Variants in CDYL observed in about 807,000 individuals in gnomAD.
CDYL encodes the protein chromodomain Y like.
CDYL carries 8 observed loss-of-function variants against 47.3 expected under a neutral mutation model. The ratio of observed to expected loss-of-function variants is 0.17; its 90% CI spans 0.10 to 0.31. The LOEUF is 0.31. Ranked by LOEUF, CDYL falls within the 10% of genes least tolerant of loss-of-function variation. CDYL has a pLI of 1.00. For missense variants in CDYL, 471 were observed against 701.4 expected, an observed-to-expected ratio of 0.67 and a Z score of 3.71; for synonymous variants, 266 against 265.0, an observed-to-expected ratio of 1.00 and a Z score of -0.04.
chr6:4,709,236 C>T (rs1561816852), intron 1 of CDYL, among the ~76,000 whole-genome samples: 3 of 151,888 alleles, frequency 2.0e-5, no homozygotes, highest in Non-Finnish European at 4.4e-5. Context: ...CACTTTATTG[C>T]CCAGGCTGGA....
At chr6:4,758,817 A>G (rs73360653) in intron 3 of CDYL, among the ~76,000 whole-genome samples, 4,376 of 152,154 alleles carry the variant, frequency 0.029, 149 homozygotes, top group African/African-American at 0.079. Flanking sequence ...ACTATACTAC[A>G]TATTTCCTGA....
rs1328232993 is a variant in CDYL, at chr6:4,710,386, A to AAGGG, written c.-39+4138_-39+4139insGAGG. ...GAAGGAGGGAGGGAGGGAGGGAAGGAAGGAAGGAAGGAAGGAAACTACATT... is the reference window on the plus strand; with the variant it reads ...GAAGGAGGGAGGGAGGGAGGGAAGGAAGGGAGGAAGGAAGGAAGGAAACTACATT... On this transcript the variant is annotated intron_variant, in intron 1 of 8. Coordinates refer to the CDYL transcript ENST00000328908. Among the ~76,000 whole-genome samples the AAGGG allele has an allele frequency of 3.4e-5, 5 of 146,664 alleles. 1 individual carries two copies. Among genetic ancestry groups the AAGGG allele is most frequent in the African/African-American group, 1.3e-4 (5 of 38,530 alleles).
rs187500756 is a variant in CDYL, at chr6:4,739,911, C to G, written c.186+5067C>G. Reference sequence around the variant, plus strand: ...GAGGTTGTGGTGAGCCAAGATCATGCCATTGCACTCCAGCCTGGGCAACAA... The same window carrying G: ...GAGGTTGTGGTGAGCCAAGATCATGGCATTGCACTCCAGCCTGGGCAACAA... On this transcript the variant is annotated intron_variant, in intron 3 of 8. Coordinates refer to the CDYL transcript ENST00000328908. Among the ~76,000 whole-genome samples, 17 of 152,172 alleles carry G rather than the reference C, an allele frequency of 1.1e-4. No individual in the cohort carries two copies. In the East Asian group the frequency reaches 3.3e-3, roughly 29 times the overall value.
At chr6:4,747,867 A>G (rs1470303842) in intron 3 of CDYL, among the ~76,000 whole-genome samples, 2 of 152,224 alleles carry the variant, frequency 1.3e-5, no homozygotes. Context: ...GTCATTTATC[A>G]TACTGCACTG....
At chr6:4,872,021 ATCTG>A (rs1157944865) in intron 1 of CDYL, among the ~76,000 whole-genome samples, 1 of 152,128 alleles carries the variant, frequency 6.6e-6, no homozygotes, top group Non-Finnish European at 1.5e-5. Context: ...TAAATGCTTT[ATCTG>A]TCTGTCATTG....
At chr6:4,803,007 A>G (rs973889190) in intron 1 of CDYL, among the ~76,000 whole-genome samples, 6 of 152,006 alleles carry the variant, frequency 3.9e-5, no homozygotes, top group East Asian at 1.9e-4. Context: ...ACCCCACACT[A>G]TCCCTTTCCT....
intron 1 of CDYL, among the ~76,000 whole-genome samples, chr6:4,781,263 A>G (rs1758612733): frequency 6.6e-6 from 1 of 152,200 alleles, no homozygotes; most frequent in Non-Finnish European, 1.5e-5. Context: ...TCTCCTGTGC[A>G]CCACAAGGCT....
At chr6:4,859,609 A>AT (rs1426082277) in intron 1 of CDYL, among the ~76,000 whole-genome samples, 6 of 152,186 alleles carry the variant, frequency 3.9e-5, no homozygotes, top group African/African-American at 1.4e-4. Context: ...TAATTAGATT[A>AT]TTTTGATGAG....
chr6:4,937,762 A>G (rs1364504984), intron 4 of CDYL, 25 bp downstream of exon 4: 1 of 1,586,902 alleles, frequency 6.3e-7, no homozygotes, highest in Non-Finnish European at 8.6e-7. Context: ...TGTTTTTTAA[A>G]CATTGGTTGG....
At chr6:4,707,141 T>G (rs940804323) in intron 1 of CDYL, among the ~76,000 whole-genome samples, 1 of 152,176 alleles carries the variant, frequency 6.6e-6, no homozygotes, top group Non-Finnish European at 1.5e-5. Flanking sequence ...AATACTTTAT[T>G]TGATCCTTTT....
intron 1 of CDYL, among the ~76,000 whole-genome samples, chr6:4,843,655 T>A (rs1760569422): frequency 6.6e-6 from 1 of 152,094 alleles, no homozygotes; most frequent in Admixed American, 6.6e-5. Context: ...TCTAAGTGTG[T>A]TTTTCATTTC....
intron 1 of CDYL, among the ~76,000 whole-genome samples, chr6:4,801,100 A>G (rs1759213401): frequency 6.6e-6 from 1 of 152,106 alleles, no homozygotes; most frequent in South Asian, 2.1e-4. Context: ...TCTTCAGATT[A>G]TTCTGTATTC....
intron 1 of CDYL, among the ~76,000 whole-genome samples, chr6:4,881,130 TA>T (rs1677330555): frequency 6.6e-6 from 1 of 152,210 alleles, no homozygotes; most frequent in South Asian, 2.1e-4. Flanking sequence ...TTCTGCCCTT[TA>T]AGTGGAGCAC....
chr6:4,943,860 T>C (rs1362688462), intron 5 of CDYL, 104 bp downstream of exon 5: 1 of 815,464 alleles, frequency 1.2e-6, no homozygotes, highest in Admixed American at 3.0e-5. Flanking sequence ...TGTGTCATTC[T>C]GTGGGGACTT....
chr6:4,745,386 A>G (rs1757874473), intron 3 of CDYL, among the ~76,000 whole-genome samples: 1 of 151,940 alleles, frequency 6.6e-6, no homozygotes, highest in Non-Finnish European at 1.5e-5. Flanking sequence ...TGATTTGAAG[A>G]CCTTTTATTC....
In CDYL at chr6:4,782,785, A is replaced by T. The variant is rs187098235; in HGVS notation, c.24+5978A>T. 2.4e-3 allele frequency among the ~76,000 whole-genome samples: 366 copies of T among 152,340 alleles called. 1 individual carries two copies. The highest frequency in any genetic ancestry group is 6.2e-3 in the South Asian group (30 of 4,830). On this transcript the variant is annotated intron_variant, in intron 1 of 6. Coordinates refer to ENST00000397588, the MANE Select transcript of CDYL (RefSeq NM_004824.4). ...CATCGAGACCTTTGAACTAAGACTTATCTGTGGCTGCCCTCCACGGACCAC... is the reference window on the plus strand; with the variant it reads ...CATCGAGACCTTTGAACTAAGACTTTTCTGTGGCTGCCCTCCACGGACCAC...
At position 4,792,037 on chromosome 6, in the gene CDYL, C is replaced by T. The variant is rs989960213; in HGVS notation, c.24+15230C>T. Among the ~76,000 whole-genome samples the T allele has an allele frequency of 6.6e-5, 10 of 151,092 alleles. No homozygotes were observed. The South Asian group carries it at 1.3e-3, about 19-fold the overall frequency. On this transcript the variant is annotated intron_variant, in intron 1 of 6. Transcript: ENST00000397588. ...AGCTGGGACTACAGGCGCCTACCAC[C>T]ACGCCCGGCTAATTTTTTTTTTTTT...
intron 1 of CDYL, among the ~76,000 whole-genome samples, chr6:4,811,260 G>A (rs567688899): frequency 6.6e-6 from 1 of 152,286 alleles, no homozygotes; most frequent in African/African-American, 2.4e-5. Flanking sequence ...ATGTTGCATA[G>A]ATAATACTAA....
Position 4,889,465 on chromosome 6 carries a change from C to T in CDYL, c.25-2248C>T, listed in dbSNP as rs956294812. Among the ~76,000 whole-genome samples the T allele has an allele frequency of 1.2e-4, 18 of 152,228 alleles. No homozygotes were observed. In the East Asian group the frequency reaches 2.1e-3, roughly 18 times the overall value. On this transcript the variant is annotated intron_variant, in intron 1 of 6. Transcript: ENST00000397588. ...GTCTCAAACTCCTGACCTCGTGATC[C>T]GCCCGCCTTGGCCTCCCAAAGTGCT...
Sources: allele counts gnomAD v4.1 joint callset (sites outside exome capture counted in the v4.1 genomes callset), GRCh38; gene constraint gnomAD v4.1.1; transcripts MANE v1.5; gene names NCBI Gene and HGNC (gene_info 2026-07-23, HGNC 2026-07-21).